PDE1C: variants seen among roughly 807,000 people sequenced by gnomAD.
PDE1C encodes the protein phosphodiesterase 1C.
In PDE1C, 62 loss-of-function variants were observed where a neutral mutation model predicts 93.1. The ratio of observed to expected loss-of-function variants is 0.67; its 90% CI spans 0.54 to 0.82. The LOEUF is 0.82. PDE1C is among the 40% of genes least tolerant of loss of function. The pLI, the probability that PDE1C is intolerant of heterozygous loss-of-function variation, is 0.00. For synonymous variants in PDE1C, 325 were observed against 310.1 expected, an observed-to-expected ratio of 1.05 and a Z score of -0.50; for missense variants, 742 against 884.6, an observed-to-expected ratio of 0.84 and a Z score of 2.04.
chr7:31,848,289 A>C (rs1003410867), intron 8 of PDE1C, among the ~76,000 whole-genome samples, 193 bp from the exon 9 acceptor site: 1 of 152,176 alleles, frequency 6.6e-6, no homozygotes, highest in African/African-American at 2.4e-5. Flanking sequence ...ATGTTATATC[A>C]GTACATGTGT....
chr7:31,647,339 G>C, the PDE1C span, among the ~76,000 whole-genome samples: 23 of 152,228 alleles, frequency 1.5e-4, no homozygotes, highest in Middle Eastern at 6.8e-3. Flanking sequence ...ACCAAGTGAA[G>C]ATTATAAGCA....
At position 31,973,533 on chromosome 7, in the gene PDE1C, C is replaced by A. The variant is rs144711185; in HGVS notation, c.128+78021G>T. On this transcript the variant is annotated intron_variant, in intron 2 of 17. Coordinates refer to ENST00000396191, the MANE Select transcript of PDE1C (RefSeq NM_001191057.4). ...ACAACAGCTCTGACAAGCTGATATA[C>A]AAATGGATAGAATTATAACACAATA... Among the ~76,000 whole-genome samples, 1,392 of 152,200 alleles carry A rather than the reference C, an allele frequency of 9.1e-3. 9 individuals carry two copies. The highest frequency in any genetic ancestry group is 0.044 in the Middle Eastern group (13 of 294).
At chr7:31,705,193 C>T in the PDE1C span, among the ~76,000 whole-genome samples, 1 of 152,030 alleles carries the variant, frequency 6.6e-6, no homozygotes, top group African/African-American at 2.4e-5. Context: ...TCCTGAAATC[C>T]CAGGAACTTT....
At chr7:31,672,016 C>T in the PDE1C span, among the ~76,000 whole-genome samples, 1 of 152,096 alleles carries the variant, frequency 6.6e-6, no homozygotes, top group Non-Finnish European at 1.5e-5. Context: ...TTGTGAAAAC[C>T]CCATTTGGGA....
the PDE1C span, among the ~76,000 whole-genome samples, chr7:31,663,501 AT>A: frequency 6.6e-6 from 1 of 152,132 alleles, no homozygotes; most frequent in African/African-American, 2.4e-5. Flanking sequence ...ACTGCTCTTG[AT>A]TTTATGCCGG....
intron 3 of PDE1C, among the ~76,000 whole-genome samples, chr7:32,094,940 C>G (rs546112073): frequency 6.6e-6 from 1 of 152,296 alleles, no homozygotes; most frequent in East Asian, 1.9e-4. Flanking sequence ...GCTCTGGCCT[C>G]TAGCTATACC....
At chr7:31,809,187 T>A in intron 15 of PDE1C, 79 bp from the exon 16 acceptor site, 2 of 766,852 alleles carry the variant, frequency 2.6e-6, no homozygotes, top group Non-Finnish European at 4.6e-6. Context: ...TCTGCCAAGT[T>A]TTGAAAAAGT....
chr7:31,743,483 G>T, the PDE1C span, among the ~76,000 whole-genome samples: 1 of 151,938 alleles, frequency 6.6e-6, no homozygotes. Flanking sequence ...CACTTCAGAG[G>T]ACGCTAGAAC....
At chr7:32,148,955 T>C (rs1293550604) in intron 3 of PDE1C, among the ~76,000 whole-genome samples, 2 of 152,210 alleles carry the variant, frequency 1.3e-5, no homozygotes, top group Non-Finnish European at 2.9e-5. Flanking sequence ...TTTTCACTTT[T>C]CAGGTGGAAA....
chr7:32,305,724 C>A (rs1812983437), intron 1 of PDE1C, among the ~76,000 whole-genome samples: 1 of 152,210 alleles, frequency 6.6e-6, no homozygotes, highest in Admixed American at 6.5e-5. Flanking sequence ...ATTCCTTGGG[C>A]CCAACTCACT....
At chr7:32,110,380 T>G (rs1207384077) in intron 3 of PDE1C, among the ~76,000 whole-genome samples, 1 of 152,168 alleles carries the variant, frequency 6.6e-6, no homozygotes, top group African/African-American at 2.4e-5. Flanking sequence ...ATCATGAGAT[T>G]AGCACAGGAA....
chr7:31,643,997 T>C, the PDE1C span: 2 of 1,502,698 alleles, frequency 1.3e-6, no homozygotes, highest in Admixed American at 2.0e-5. Context: ...GATGCACCCG[T>C]GATAAACACC....
chr7:31,837,881 C>T lies in PDE1C; in HGVS notation c.1071G>A (p.Gln357=), dbSNP rs775909832. Residue 357 remains glutamine, a synonymous_variant, in exon 10 of 18, where the codon CAG becomes CAA. Transcript: ENST00000396191. ...QQIKAMKTAL[Q]QPEAIEKPKA... ...ACAAGCACACTTACGCTTCTGGCTG[C>T]TGCAGAGCAGTCTTCATTGCTTTGA... is the stretch of plus-strand genomic sequence containing the variant. 1 of 1,611,464 alleles carries T rather than the reference C, an allele frequency of 6.2e-7. No individual in the cohort carries two copies. Among genetic ancestry groups the T allele is most frequent in the South Asian group, 1.1e-5 (1 of 91,036 alleles).
chr7:32,356,310 A>G (rs1585123070), intron 1 of PDE1C, among the ~76,000 whole-genome samples: 1 of 152,234 alleles, frequency 6.6e-6, no homozygotes, highest in African/African-American at 2.4e-5. Flanking sequence ...AGTGTTTCTC[A>G]TGCACTCAGA....
chr7:31,971,783 T>A (rs1042136020), intron 2 of PDE1C, among the ~76,000 whole-genome samples: 2 of 152,222 alleles, frequency 1.3e-5, no homozygotes, highest in African/African-American at 4.8e-5. Context: ...CTCCAAGGTA[T>A]GTTTTCTGAC....
intron 2 of PDE1C, among the ~76,000 whole-genome samples, chr7:32,181,374 C>A (rs1803408739): frequency 1.3e-5 from 2 of 152,290 alleles, no homozygotes; most frequent in African/African-American, 4.8e-5. Context: ...TGCACTTATT[C>A]CAAAACTGAC....
upstream of PDE1C, chr7:32,071,398 C>T: frequency 6.1e-6 from 6 of 985,484 alleles, no homozygotes; most frequent in Non-Finnish European, 7.2e-6. Context: ...ACGAAGGGAA[C>T]CACACACCAC....
At chr7:31,740,460 A>C in the PDE1C span, among the ~76,000 whole-genome samples, 207 of 152,344 alleles carry the variant, frequency 1.4e-3, no homozygotes, top group Non-Finnish European at 2.5e-3. Flanking sequence ...CATGATTCAA[A>C]TGCCTGGGTT....
At chr7:32,135,024 G>T in intron 3 of PDE1C, among the ~76,000 whole-genome samples, 1 of 152,098 alleles carries the variant, frequency 6.6e-6, no homozygotes, top group East Asian at 1.9e-4. Flanking sequence ...CATGGGAATT[G>T]GTAGAAACCA....
Sources: gnomAD v4.1 joint callset for allele counts (sites outside exome capture counted in the v4.1 genomes callset) on GRCh38, gnomAD v4.1.1 for gene constraint, MANE v1.5 for transcripts, NCBI Gene and HGNC (gene_info 2026-07-23, HGNC 2026-07-21) for gene names.